The following KCNK2 variants were observed in gnomAD, a reference collection of about 807,000 sequenced individuals.
KCNK2 encodes potassium two pore domain channel subfamily K member 2, also known as potassium channel subfamily K member 2.
Under a neutral mutation model 40.5 loss-of-function variants are expected in KCNK2, and 21 were observed. That is an observed-to-expected ratio of 0.52 (90% CI 0.37 to 0.75). KCNK2 has a LOEUF of 0.75. Ranked by LOEUF, KCNK2 falls within the 30% of genes least tolerant of loss-of-function variation. The pLI, the probability that KCNK2 is intolerant of heterozygous loss-of-function variation, is 0.00. For missense variants in KCNK2, 399 were observed against 531.6 expected (o/e 0.75, Z 2.45); for synonymous variants, 191 against 202.2 (o/e 0.94, Z 0.47).
chr1:215,169,171 A>C (rs766868427), intron 3 of KCNK2, 28 bp from the exon 4 acceptor site: 3 of 1,559,614 alleles, frequency 1.9e-6, no homozygotes, highest in East Asian at 2.3e-5. Flanking sequence ...ACTATTATTC[A>C]TTTGTAAACA....
intron 1 of KCNK2, among the ~76,000 whole-genome samples, chr1:215,063,177 A>G (rs1658418234): frequency 6.6e-6 from 1 of 152,166 alleles, no homozygotes; most frequent in Non-Finnish European, 1.5e-5. Flanking sequence ...GCTGGGAACT[A>G]GGGTACTGCA....
chr1:215,022,900 C>T (rs1303336210), intron 1 of KCNK2, among the ~76,000 whole-genome samples: 2 of 152,140 alleles, frequency 1.3e-5, no homozygotes, highest in South Asian at 2.1e-4. Flanking sequence ...TGATTTACTC[C>T]TTCCTTCTTT....
At position 215,209,250 on chromosome 1, in the gene KCNK2, A is replaced by G. The variant is rs573399429; in HGVS notation, c.963+14158A>G. ...ATATAAAATATATATAAATATACACATATCTTATATATAAAATATATAAAT... is the reference window on the plus strand; with the variant it reads ...ATATAAAATATATATAAATATACACGTATCTTATATATAAAATATATAAAT... On this transcript the variant is annotated intron_variant, in intron 6 of 6. Coordinates refer to ENST00000444842, the MANE Select transcript of KCNK2 (RefSeq NM_001017425.3). 1.2e-3 allele frequency among the ~76,000 whole-genome samples: 147 copies of G among 123,004 alleles called. 6 individuals carry two copies. The highest frequency in any genetic ancestry group is 4.3e-3 in the African/African-American group (131 of 30,534). The allele number at this position is 123,004 out of a possible 152,430, so 80.7% of individuals were successfully genotyped here.
chr1:215,067,489 C>A (rs895215695), intron 1 of KCNK2, among the ~76,000 whole-genome samples: 3 of 152,102 alleles, frequency 2.0e-5, no homozygotes, highest in African/African-American at 7.2e-5. Flanking sequence ...TGATCACAAT[C>A]ATATGTAATG....
At chr1:215,234,333 A>G (rs1666789012) in intron 6 of KCNK2, among the ~76,000 whole-genome samples, 1 of 152,220 alleles carries the variant, frequency 6.6e-6, no homozygotes, top group Non-Finnish European at 1.5e-5. Context: ...CTAGGTTCAC[A>G]TCTGAGCAAA....
At chr1:215,218,060 G>T (rs1666026676) in intron 6 of KCNK2, among the ~76,000 whole-genome samples, 1 of 152,154 alleles carries the variant, frequency 6.6e-6, no homozygotes, top group Admixed American at 6.5e-5. Context: ...TTTCACAGGG[G>T]AATAGAGGAG....
chr1:215,080,882 G>T (rs1248057565), upstream of KCNK2, among the ~76,000 whole-genome samples: 1 of 152,176 alleles, frequency 6.6e-6, no homozygotes, highest in Non-Finnish European at 1.5e-5. Flanking sequence ...AAATCTAAGT[G>T]TTGCTGTGAA....
chr1:215,130,423 T>A (rs1661618592), intron 3 of KCNK2, among the ~76,000 whole-genome samples: 1 of 152,200 alleles, frequency 6.6e-6, no homozygotes, highest in South Asian at 2.1e-4. Context: ...GTAAGGAAAA[T>A]GCTTTCCAGA....
At chr1:215,222,565 A>G (rs146802579) in intron 6 of KCNK2, among the ~76,000 whole-genome samples, 64 of 152,310 alleles carry the variant, frequency 4.2e-4, no homozygotes, top group Admixed American at 1.4e-3. Context: ...TAATCTTTAC[A>G]CAATTACATT....
intron 6 of KCNK2, among the ~76,000 whole-genome samples, chr1:215,207,595 G>A (rs142632396): frequency 1.3e-5 from 2 of 152,260 alleles, no homozygotes; most frequent in East Asian, 3.9e-4. Flanking sequence ...ATGTCTGTGA[G>A]TAAACAAGCA....
chr1:215,010,800 G>A (rs1656348120), intron 1 of KCNK2, among the ~76,000 whole-genome samples: 1 of 150,226 alleles, frequency 6.7e-6, no homozygotes, highest in South Asian at 2.1e-4. Context: ...TTTGAGAAGG[G>A]TATAGGAGCC....
At chr1:215,125,967 T>C (rs960703436) in intron 3 of KCNK2, among the ~76,000 whole-genome samples, 5 of 150,314 alleles carry the variant, frequency 3.3e-5, no homozygotes, top group Non-Finnish European at 7.4e-5. Context: ...AAAAAGGGAG[T>C]TTTTTCTTTC....
chr1:215,123,451 G>T (rs775817630), intron 2 of KCNK2, among the ~76,000 whole-genome samples: 11 of 150,706 alleles, frequency 7.3e-5, no homozygotes, highest in Non-Finnish European at 1.3e-4. Flanking sequence ...GTAAATAAAA[G>T]CAATGTAATT....
At chr1:215,050,465 C>A (rs1377482287) in intron 1 of KCNK2, among the ~76,000 whole-genome samples, 1 of 151,770 alleles carries the variant, frequency 6.6e-6, no homozygotes, top group Non-Finnish European at 1.5e-5. Flanking sequence ...GGGGACAGTA[C>A]AATAAAAACA....
At chr1:215,181,339 C>A (rs1393961186) in intron 5 of KCNK2, among the ~76,000 whole-genome samples, 1 of 152,070 alleles carries the variant, frequency 6.6e-6, no homozygotes, top group Non-Finnish European at 1.5e-5. Context: ...GCTTTGAATT[C>A]TTTATCTGTC....
In KCNK2 at chr1:215,059,062, T is replaced by C. The variant is rs1658266577; in HGVS notation, c.35-27306T>C. On this transcript the variant is annotated intron_variant, in intron 1 of 6. Coordinates refer to the KCNK2 transcript ENST00000391895. Reference sequence around the variant, plus strand: ...GTGTATGCACATATACATGTGTATATATATATACACACATACATATATATA... The same window carrying C: ...GTGTATGCACATATACATGTGTATACATATATACACACATACATATATATA... Among the ~76,000 whole-genome samples the C allele has an allele frequency of 2.0e-5, 3 of 148,914 alleles. No individual in the cohort carries two copies. In the South Asian group the frequency reaches 7.5e-4, roughly 37 times the overall value.
At position 215,088,213 on chromosome 1, in the gene KCNK2, A is replaced by G. The variant is rs1659532837; in HGVS notation, c.357+1535A>G. Among the ~76,000 whole-genome samples the G allele has an allele frequency of 2.0e-5, 3 of 152,034 alleles. No homozygotes were observed. In the South Asian group the frequency reaches 6.2e-4, roughly 32 times the overall value. ...CCCCACTTCCCTCGGTTTCTGAAGA[A>G]GAGCTCTTGGATATCTTGGTGGAGG... On this transcript the variant is annotated intron_variant, in intron 2 of 6. Transcript: ENST00000444842.
intron 6 of KCNK2, among the ~76,000 whole-genome samples, chr1:215,214,723 G>C (rs1384950505): frequency 6.6e-6 from 1 of 152,156 alleles, no homozygotes; most frequent in Non-Finnish European, 1.5e-5. Context: ...CTACTCAGGA[G>C]GCTGAGGTGG....
chr1:215,222,784 T>C (rs1280785834), intron 6 of KCNK2, among the ~76,000 whole-genome samples: 2 of 152,018 alleles, frequency 1.3e-5, no homozygotes, highest in African/African-American at 4.8e-5. Flanking sequence ...TTGGAAATGT[T>C]CCTTTTACCA....
Sources: allele counts gnomAD v4.1 joint callset (sites outside exome capture counted in the v4.1 genomes callset), GRCh38; gene constraint gnomAD v4.1.1; transcripts MANE v1.5; gene names NCBI Gene and HGNC (gene_info 2026-07-23, HGNC 2026-07-21).